MARK4: variants seen among roughly 807,000 people sequenced by gnomAD.
MARK4 encodes microtubule affinity regulating kinase 4, also known as MAP/microtubule affinity-regulating kinase 4.
MARK4 carries 19 observed loss-of-function variants against 81.5 expected under a neutral mutation model. The ratio of observed to expected loss-of-function variants is 0.23; its 90% confidence interval spans 0.16 to 0.34. The LOEUF (loss-of-function observed/expected upper bound fraction) is 0.34, where lower values mean the gene tolerates loss of function less well. Ranked by LOEUF, MARK4 falls within the 10% of genes least tolerant of loss-of-function variation. The pLI is 1.00. For missense variants in MARK4, 772 were observed against 1,058.8 expected (o/e 0.73, Z 3.76); for synonymous variants, 436 against 439.0 (o/e 0.99, Z 0.08).
At chr19:45,257,410 G>A (rs1380999346) in intron 1 of MARK4, among the ~76,000 whole-genome samples, 1 of 136,586 alleles carries the variant, frequency 7.3e-6, no homozygotes, top group Non-Finnish European at 1.5e-5. Context: ...TTGAGATGGA[G>A]TCCCACTCTG....
intron 8 of MARK4, among the ~76,000 whole-genome samples, chr19:45,273,668 C>T (rs1970561349): frequency 6.6e-6 from 1 of 152,336 alleles, no homozygotes; most frequent in South Asian, 2.1e-4. Context: ...TTTTGCAGAA[C>T]GTCCCTCAAT....
chr19:45,286,113 T>C (rs1460970194), intron 12 of MARK4, among the ~76,000 whole-genome samples: 7 of 152,098 alleles, frequency 4.6e-5, no homozygotes, highest in Non-Finnish European at 7.4e-5. Flanking sequence ...TGGAGTGCAA[T>C]GGTGTGATCT....
Position 45,280,740 on chromosome 19 carries a change from T to C in MARK4, c.1276+6T>C. On this transcript the variant is annotated splice_donor_region_variant and intron_variant, in intron 12 of 16. Transcript: ENST00000262891. ...GCGCAGGCATAGCGATTTCTGTGAGTATCAACCCCACGCCCTCACGCACCC... is the reference window on the plus strand; with the variant it reads ...GCGCAGGCATAGCGATTTCTGTGAGCATCAACCCCACGCCCTCACGCACCC... 6.2e-7 allele frequency: 1 copy of C among 1,613,904 alleles called. No homozygotes were observed. Among genetic ancestry groups the C allele is most frequent in the Non-Finnish European group, 8.5e-7 (1 of 1,179,882 alleles).
At chr19:45,280,991 T>C (rs1970666972) in intron 12 of MARK4, among the ~76,000 whole-genome samples, 3 of 151,976 alleles carry the variant, frequency 2.0e-5, no homozygotes, top group South Asian at 4.1e-4. Flanking sequence ...TCCTCTCTGC[T>C]TGTGTGGTTT....
chr19:45,267,290 C>A (rs996778681), intron 7 of MARK4, among the ~76,000 whole-genome samples: 4 of 152,072 alleles, frequency 2.6e-5, no homozygotes, highest in African/African-American at 9.7e-5. Context: ...AACTCATGAC[C>A]TCAGGTGATC....
rs560575590 is a variant in MARK4, at chr19:45,286,000, A to G, written c.1277-1447A>G. On this transcript the variant is annotated intron_variant, in intron 12 of 16. Coordinates refer to ENST00000262891, the MANE Select transcript of MARK4 (RefSeq NM_001199867.2). Reference sequence around the variant, plus strand: ...TAGACAGTGAAAAAGTCTTCATCCAACACATATCCCCAGCTCCCAGTTTCT... The same window carrying G: ...TAGACAGTGAAAAAGTCTTCATCCAGCACATATCCCCAGCTCCCAGTTTCT... Among the ~76,000 whole-genome samples the G allele has an allele frequency of 8.5e-5, 13 of 152,314 alleles. No homozygotes were observed. The East Asian group carries it at 2.5e-3, about 29-fold the overall frequency.
chr19:45,264,423 C>T (rs1002903883), intron 4 of MARK4, among the ~76,000 whole-genome samples: 10 of 151,168 alleles, frequency 6.6e-5, no homozygotes, highest in African/African-American at 2.4e-4. Flanking sequence ...ATCGCTTGAA[C>T]CTGGGAGGGT....
rs773724421 is a variant in MARK4 at position 45,280,367 on chromosome 19, C to G, written c.1007-7C>G. ...GTCTGAAACTTCTCTCCATCCCCCCCTCCCAGAGGTGATGGTGGGTATGGG... is the reference window on the plus strand; with the variant it reads ...GTCTGAAACTTCTCTCCATCCCCCCGTCCCAGAGGTGATGGTGGGTATGGG... On this transcript the variant is annotated splice_polypyrimidine_tract_variant and splice_region_variant and intron_variant, in intron 10 of 16. Coordinates refer to ENST00000262891, the MANE Select transcript of MARK4 (RefSeq NM_001199867.2). 5 of 1,610,346 alleles carry G rather than the reference C, an allele frequency of 3.1e-6. No individual in the cohort carries two copies. The African/African-American group carries it at 4.0e-5, about 13-fold the overall frequency.
chr19:45,260,565 T>C (rs1045336424), intron 2 of MARK4, among the ~76,000 whole-genome samples: 1 of 150,284 alleles, frequency 6.7e-6, no homozygotes, highest in African/African-American at 2.5e-5. Flanking sequence ...GGTGTGGTGG[T>C]GCGTGCCTGT....
At chr19:45,287,812 T>G (rs2123091058) in intron 13 of MARK4, 148 bp downstream of exon 13, 1 of 888,908 alleles carries the variant, frequency 1.1e-6, no homozygotes, top group Admixed American at 2.0e-5. Context: ...ATTTATCGAG[T>G]GCCTCTGTTT....
chr19:45,301,820 G>A (rs1272277842), intron 16 of MARK4, among the ~76,000 whole-genome samples: 2 of 147,788 alleles, frequency 1.4e-5, no homozygotes, highest in African/African-American at 5.0e-5. Context: ...AGCCGAGATC[G>A]TTCCATTGCA....
chr19:45,252,096 T>C (rs1970251211), intron 1 of MARK4, among the ~76,000 whole-genome samples: 1 of 151,884 alleles, frequency 6.6e-6, no homozygotes, highest in South Asian at 2.1e-4. Context: ...CTTCCCTGTC[T>C]GGGGCTGGGT....
chr19:45,272,714 C>G (rs1353469303), intron 8 of MARK4, among the ~76,000 whole-genome samples: 1 of 151,958 alleles, frequency 6.6e-6, no homozygotes, highest in Non-Finnish European at 1.5e-5. Context: ...ATGGTGAAAC[C>G]CTGTCTTTAC....
chr19:45,270,118 G>A (rs116162853), intron 7 of MARK4, among the ~76,000 whole-genome samples: 4 of 152,162 alleles, frequency 2.6e-5, no homozygotes, highest in Non-Finnish European at 5.9e-5. Context: ...GTGAGCTACC[G>A]CGCCCGGCCA....
At chr19:45,301,556 T>TAAAAAA (rs1268268259) in intron 16 of MARK4, among the ~76,000 whole-genome samples, 1 of 11,130 alleles carries the variant, frequency 9.0e-5, no homozygotes, top group Non-Finnish European at 2.2e-4. Context: ...AAACTCTGTC[T>TAAAAAA]CAAAAAAAAA....
rs888556309 is a variant in MARK4, at chr19:45,271,123, C to T, written c.550-349C>T. ...GATTCACCATGTTGGCCAGGCCGAT[C>T]TTGAACTCCTGACCTCAGGTGATCC... On this transcript the variant is annotated intron_variant, in intron 7 of 16. Coordinates refer to ENST00000262891, the MANE Select transcript of MARK4 (RefSeq NM_001199867.2). This position sits in a 1 kb window ranked among gnomAD's most constrained non-coding sequence, Gnocchi z 4.1. 6.6e-6 allele frequency among the ~76,000 whole-genome samples: 1 copy of T among 152,194 alleles called. No homozygotes were observed. The highest frequency in any genetic ancestry group is 1.5e-5 in the Non-Finnish European group (1 of 68,030).
At chr19:45,280,295 C>T in intron 10 of MARK4, 79 bp from the exon 11 acceptor site, 1 of 1,293,634 alleles carries the variant, frequency 7.7e-7, no homozygotes, top group South Asian at 1.2e-5. Context: ...GAGTGACACC[C>T]TGTCTCAAAA....
chr19:45,287,390 GA>G, intron 12 of MARK4, 56 bp from the exon 13 acceptor site: 1 of 1,222,972 alleles, frequency 8.2e-7, no homozygotes, highest in Non-Finnish European at 1.1e-6. Flanking sequence ...CGATCCCCCA[GA>G]GTCAGTTCTG....
intron 9 of MARK4, 22 bp from the exon 10 acceptor site, chr19:45,278,494 T>G (rs777196362): frequency 6.2e-7 from 1 of 1,607,038 alleles, no homozygotes. Flanking sequence ...TCTTCCCCCT[T>G]CCCTGCTCCT....
Sources: allele counts gnomAD v4.1 joint callset (sites outside exome capture counted in the v4.1 genomes callset), GRCh38; gene constraint gnomAD v4.1.1; non-coding constraint Gnocchi (gnomAD v3.1); transcripts MANE v1.5; gene names NCBI Gene and HGNC (gene_info 2026-07-23, HGNC 2026-07-21).